KIAA2012: variants seen among roughly 807,000 people sequenced by gnomAD.
The protein encoded by KIAA2012 is KIAA2012.
Under a neutral mutation model 150.6 loss-of-function variants are expected in KIAA2012, and 125 were observed. That is an observed-to-expected ratio of 0.83 (90% CI 0.72 to 0.96). The LOEUF (loss-of-function observed/expected upper bound fraction) is 0.96. Ranked by LOEUF, KIAA2012 falls within the 40% of genes least tolerant of loss-of-function variation. KIAA2012 has a pLI of 0.00. For missense variants in KIAA2012, 1,219 were observed against 1,354.9 expected (o/e 0.90, Z 1.57); for synonymous variants, 462 against 504.7 (o/e 0.92, Z 1.13).
At position 202,106,699 on chromosome 2, in the gene KIAA2012, A is replaced by G. The variant is rs1690202873; in HGVS notation, c.1474+789A>G. 3.0e-5 allele frequency among the ~76,000 whole-genome samples: 4 copies of G among 135,114 alleles called. No individual in the cohort carries two copies. The South Asian group carries it at 8.8e-4, about 30-fold the overall frequency. 88.6% of individuals were successfully genotyped at this position (135,114 alleles called of 152,430 possible). A position where few individuals can be genotyped will look rare whatever the true frequency, so the allele number is the denominator to read the frequency against. ...AAGACCCTGTCTAAAAATAAAAAAA[A>G]AAAATTTTTTTTAAAAAGTCCATAA... On this transcript the variant is annotated intron_variant, in intron 9 of 23. Transcript: ENST00000498697.
Position 202,154,763 on chromosome 2 carries a change from G to C in KIAA2012, c.1999G>C (p.Glu667Gln). The change falls in exon 14 of 24, where the codon GAA (glutamate) becomes CAA (glutamine). Residue 667 changes from glutamate to glutamine, a missense_variant. By Grantham distance (29) the Glu-to-Gln change is conservative. Transcript: ENST00000498697. Reference sequence around the variant, plus strand: ...AGCGCTGATATGTTCAAACAGAAAAGAATTTTACACGCGCAAGCTGCACAT... The same window carrying C: ...AGCGCTGATATGTTCAAACAGAAAACAATTTTACACGCGCAAGCTGCACAT... Reference protein sequence around the residue: ...NKALICSNRKEFYTRKLHIDM... With the variant: ...NKALICSNRKQFYTRKLHIDM... 6.5e-7 allele frequency: 1 copy of C among 1,550,214 alleles called. No individual in the cohort carries two copies. The highest frequency in any genetic ancestry group is 8.7e-7 in the Non-Finnish European group (1 of 1,146,938).
intron 16 of KIAA2012, among the ~76,000 whole-genome samples, chr2:202,186,589 T>C (rs569088891): frequency 3.4e-4 from 52 of 152,368 alleles, no homozygotes; most frequent in South Asian, 1.0e-3. Context: ...CAATCTTTCT[T>C]AAAGGTCACT....
chr2:202,179,321 C>T, intron 15 of KIAA2012: 1 of 1,189,134 alleles, frequency 8.4e-7, no homozygotes, highest in Non-Finnish European at 1.2e-6. Context: ...CGGCTTTTCG[C>T]TGACTACATT....
chr2:202,167,278 T>C (rs1201929491), intron 15 of KIAA2012, among the ~76,000 whole-genome samples: 1 of 152,174 alleles, frequency 6.6e-6, no homozygotes, highest in Non-Finnish European at 1.5e-5. Context: ...AGGCCAATGG[T>C]TCTCAAACTT....
chr2:202,087,174 T>C (rs1375551257), intron 2 of KIAA2012, among the ~76,000 whole-genome samples: 1 of 152,086 alleles, frequency 6.6e-6, no homozygotes, highest in African/African-American at 2.4e-5. Context: ...ACAGAGACCA[T>C]ATGGCCTGCA....
chr2:202,144,029 C>A (rs1342661532), intron 13 of KIAA2012, among the ~76,000 whole-genome samples: 2 of 152,142 alleles, frequency 1.3e-5, no homozygotes, highest in East Asian at 3.8e-4. Context: ...CAAGCTCAAA[C>A]CTTAATTAGA....
rs1399124845 is a variant in KIAA2012, at chr2:202,190,501, C to G, written c.2811+8C>G. 8 of 1,487,784 alleles carry G rather than the reference C, an allele frequency of 5.4e-6. No homozygotes were observed. The highest frequency in any genetic ancestry group is 7.2e-6 in the Non-Finnish European group (8 of 1,117,154). The allele number at this position is 1,487,784 out of a possible 1,614,324, so 92.2% of individuals were successfully genotyped here. The stretch of plus-strand genomic sequence containing the variant: ...TGTGAGGACCCTTCCAAGGTAGGGT[C>G]TGATGTCCTCAGCTTGACAGAGGAA... On this transcript the variant is annotated splice_region_variant and intron_variant, in intron 19 of 23. Coordinates refer to ENST00000498697, the MANE Select transcript of KIAA2012 (RefSeq NM_001277372.4).
chr2:202,161,531 C>T (rs4673233), intron 14 of KIAA2012, among the ~76,000 whole-genome samples: 3,290 of 152,098 alleles, frequency 0.022, 158 homozygotes, highest in East Asian at 0.12. Flanking sequence ...CACACTGCCC[C>T]CGCACCAAAC....
At chr2:202,146,487 C>T (rs950209729) in intron 13 of KIAA2012, among the ~76,000 whole-genome samples, 3 of 152,076 alleles carry the variant, frequency 2.0e-5, no homozygotes, top group African/African-American at 7.2e-5. Context: ...AAAAAATTAG[C>T]CAGGTGTGGT....
intron 2 of KIAA2012, among the ~76,000 whole-genome samples, chr2:202,076,090 A>G (rs1689317385): frequency 6.6e-6 from 1 of 152,102 alleles, no homozygotes; most frequent in Non-Finnish European, 1.5e-5. Context: ...GCTCCCACCC[A>G]TCCTTCAAAA....
At chr2:202,186,098 T>C (rs1301704565) in intron 16 of KIAA2012, among the ~76,000 whole-genome samples, 1 of 152,218 alleles carries the variant, frequency 6.6e-6, no homozygotes, top group African/African-American at 2.4e-5. Context: ...GTGCCCTTTC[T>C]ACCCAGAGGG....
At chr2:202,191,392 C>T (rs1692325588) in intron 19 of KIAA2012, among the ~76,000 whole-genome samples, 1 of 151,678 alleles carries the variant, frequency 6.6e-6, no homozygotes, top group Non-Finnish European at 1.5e-5. Context: ...AAAATTGCTG[C>T]AATTCGGCCG....
intron 15 of KIAA2012, among the ~76,000 whole-genome samples, chr2:202,180,898 G>A (rs1018708731): frequency 1.3e-5 from 2 of 152,122 alleles, no homozygotes; most frequent in African/African-American, 2.4e-5. Context: ...AAATAGAAGC[G>A]ATATGAATTT....
rs1178569136 is a variant in KIAA2012 at position 202,205,173 on chromosome 2, C to A, written c.*196C>A. ...AACCATATCAGAGTGCAATGCATTT[C>A]GAAAAATCCAAAAAACTAAAAACAA... On this transcript the variant is annotated 3_prime_UTR_variant, in exon 24 of 24. Transcript: ENST00000498697. 2 of 152,108 alleles carry A rather than the reference C, an allele frequency of 1.3e-5. No homozygotes were observed. The highest frequency in any genetic ancestry group is 2.9e-5 in the Non-Finnish European group (2 of 68,016). 9.4% of individuals were successfully genotyped at this position (152,108 alleles called of 1,614,324 possible).
At chr2:202,128,439 GTT>G (rs138151145) in intron 12 of KIAA2012, among the ~76,000 whole-genome samples, 72,505 of 145,806 alleles carry the variant, frequency 0.5, 18,486 homozygotes, top group East Asian at 0.67. Context: ...CTTTTTGGGG[GTT>G]TTTTTTTTTT....
rs2105927203 is a variant in KIAA2012, at chr2:202,109,793, A to G, written c.1651+4A>G. The G allele has an allele frequency of 6.5e-7, 1 of 1,545,614 alleles. No homozygotes were observed. Among genetic ancestry groups the G allele is most frequent in the Non-Finnish European group, 8.7e-7 (1 of 1,145,218 alleles). On this transcript the variant is annotated splice_donor_region_variant and intron_variant, in intron 10 of 23. Transcript: ENST00000498697. The stretch of plus-strand genomic sequence containing the variant: ...AGGGCACTGCCAGCAGCTCAAGGTA[A>G]TCATTCCCAGAGTGCATAGACGCCC...
In KIAA2012 at chr2:202,109,701, C is replaced by T. The variant is rs773357509; in HGVS notation, c.1563C>T (p.Gly521=). 33 of 1,550,540 alleles carry T rather than the reference C, an allele frequency of 2.1e-5. No individual in the cohort carries two copies. Among genetic ancestry groups the T allele is most frequent in the South Asian group, 1.3e-4 (11 of 84,008 alleles). The change falls in exon 10 of 24, where the codon GGC becomes GGT. Residue 521 remains glycine (G), a synonymous_variant. Coordinates refer to ENST00000498697, the MANE Select transcript of KIAA2012 (RefSeq NM_001277372.4). The part of the protein sequence containing the change: ...KGKKSPESQK[G]VDSPRTSDHN... ...AAAAAAGTCCTGAGAGCCAGAAGGG[C>T]GTGGACAGCCCTAGGACATCAGACC...
At chr2:202,164,286 G>A (rs1307841696) in intron 14 of KIAA2012, among the ~76,000 whole-genome samples, 1 of 152,194 alleles carries the variant, frequency 6.6e-6, no homozygotes, top group Non-Finnish European at 1.5e-5. Flanking sequence ...ACACTCTAGA[G>A]AAGAGCATGA....
chr2:202,109,707 C>T lies in KIAA2012; in HGVS notation c.1569C>T (p.Asp523=). 2 of 1,550,640 alleles carry T rather than the reference C, an allele frequency of 1.3e-6. No homozygotes were observed. Among genetic ancestry groups the T allele is most frequent in the East Asian group, 4.9e-5 (2 of 40,902 alleles). Residue 523 remains aspartate, a synonymous_variant, in exon 10 of 24, where the codon GAC becomes GAT. Coordinates refer to ENST00000498697, the MANE Select transcript of KIAA2012 (RefSeq NM_001277372.4). ...GTCCTGAGAGCCAGAAGGGCGTGGA[C>T]AGCCCTAGGACATCAGACCACAACA... ...KKSPESQKGV[D]SPRTSDHNSP... is the part of the protein sequence containing the mutation.
Sources: gnomAD v4.1 joint callset for allele counts (sites outside exome capture counted in the v4.1 genomes callset) on GRCh38, gnomAD v4.1.1 for gene constraint, MANE v1.5 for transcripts, NCBI Gene and HGNC (gene_info 2026-07-23, HGNC 2026-07-21) for gene names.